SLC25A48: variants seen among roughly 807,000 people sequenced by gnomAD.
The protein encoded by SLC25A48 is solute carrier family 25 member 48, also known as CTC-321K16.1.
SLC25A48 carries 29 observed loss-of-function variants against 32.2 expected under a neutral mutation model. The observed-to-expected ratio is 0.90, with a 90% CI of 0.67 to 1.23. The LOEUF (loss-of-function observed/expected upper bound fraction) is 1.23, where lower values mean the gene tolerates loss of function less well. SLC25A48 is among the 50% of genes most tolerant of loss of function. The probability of loss-of-function intolerance (pLI) is 0.00; values close to 1 mark genes in which losing one functional copy is unlikely to be tolerated. For synonymous variants in SLC25A48, 164 were observed against 172.3 expected, an observed-to-expected ratio of 0.95 and a Z score of 0.38; for missense variants, 399 against 422.7, an observed-to-expected ratio of 0.94 and a Z score of 0.49.
At chr5:135,768,978 A>C (rs942647128) in intron 3 of SLC25A48, among the ~76,000 whole-genome samples, 2 of 151,762 alleles carry the variant, frequency 1.3e-5, no homozygotes, top group African/African-American at 4.8e-5. Context: ...GGAGAGGATG[A>C]TGCTAATTCC....
chr5:135,682,869 T>G (rs1349537251), intron 3 of SLC25A48, among the ~76,000 whole-genome samples: 1 of 152,210 alleles, frequency 6.6e-6, no homozygotes, highest in Non-Finnish European at 1.5e-5. Flanking sequence ...TGTAATTCTA[T>G]CCATGGTCTT....
chr5:135,857,931 G>A (rs1277493967), intron 4 of SLC25A48, among the ~76,000 whole-genome samples: 4 of 152,196 alleles, frequency 2.6e-5, no homozygotes, highest in Middle Eastern at 3.4e-3. Flanking sequence ...TTACCACCTG[G>A]CACCTGTCCT....
At chr5:135,660,516 A>G (rs116642937) in intron 3 of SLC25A48, among the ~76,000 whole-genome samples, 10 of 152,238 alleles carry the variant, frequency 6.6e-5, no homozygotes, top group Non-Finnish European at 1.5e-4. Context: ...CAAGGTCAGC[A>G]TCATAGTGGC....
At chr5:135,696,158 G>T (rs1754262113) in intron 3 of SLC25A48, among the ~76,000 whole-genome samples, 1 of 152,210 alleles carries the variant, frequency 6.6e-6, no homozygotes, top group Non-Finnish European at 1.5e-5. Context: ...CAAATATCTG[G>T]GAATGTCAGG....
chr5:135,766,539 A>T, intron 3 of SLC25A48, among the ~76,000 whole-genome samples: 1 of 150,594 alleles, frequency 6.6e-6, no homozygotes, highest in Non-Finnish European at 1.5e-5. Flanking sequence ...GGGTGTACAC[A>T]CCCCTGTTAT....
At chr5:135,730,399 T>C (rs1755196806) in intron 3 of SLC25A48, among the ~76,000 whole-genome samples, 1 of 152,174 alleles carries the variant, frequency 6.6e-6, no homozygotes. Context: ...AGCTCTCTCA[T>C]TTTTTGCCTG....
chr5:135,824,838 G>A (rs1272449141), intron 4 of SLC25A48: 1 of 152,352 alleles, frequency 6.6e-6, no homozygotes, highest in Non-Finnish European at 1.5e-5. Flanking sequence ...AGGCCATAGA[G>A]GGTGGGGGGA....
chr5:135,625,173 C>A (rs959025782), intron 1 of SLC25A48, among the ~76,000 whole-genome samples: 1 of 152,006 alleles, frequency 6.6e-6, no homozygotes, highest in African/African-American at 2.4e-5. Context: ...GGAAAGGCCT[C>A]CCAGAAGAAG....
At chr5:135,769,719 GGAT>G (rs112709333) in intron 3 of SLC25A48, among the ~76,000 whole-genome samples, 46,398 of 151,142 alleles carry the variant, frequency 0.31, 7,280 homozygotes, top group East Asian at 0.46. Flanking sequence ...GCGTGGGAGA[GGAT>G]GATGTTACTC....
chr5:135,759,855 A>T (rs1756018788), intron 3 of SLC25A48, among the ~76,000 whole-genome samples: 1 of 138,932 alleles, frequency 7.2e-6, no homozygotes, highest in Non-Finnish European at 1.5e-5. Flanking sequence ...TTTGAGACAG[A>T]GTCTCACTCT....
At chr5:135,615,860 T>G (rs1752173802) in intron 1 of SLC25A48, among the ~76,000 whole-genome samples, 3 of 152,346 alleles carry the variant, frequency 2.0e-5, no homozygotes, top group East Asian at 1.9e-4. Flanking sequence ...TGTGGTTTTA[T>G]GGGCCTGCCA....
intron 3 of SLC25A48, among the ~76,000 whole-genome samples, chr5:135,699,051 G>A (rs1754330186): frequency 6.6e-6 from 1 of 152,202 alleles, no homozygotes; most frequent in African/African-American, 2.4e-5. Context: ...AAATGCTGGT[G>A]AGGATATGGA....
chr5:135,722,488 T>A (rs1423505109), intron 3 of SLC25A48, among the ~76,000 whole-genome samples: 1 of 152,208 alleles, frequency 6.6e-6, no homozygotes, highest in Non-Finnish European at 1.5e-5. Context: ...CCTTGCCACG[T>A]GTTTACATTT....
intron 2 of SLC25A48, among the ~76,000 whole-genome samples, chr5:135,848,414 C>T (rs1580980568): frequency 6.6e-6 from 1 of 152,190 alleles, no homozygotes; most frequent in Admixed American, 6.5e-5. Flanking sequence ...TGGTTGTGGA[C>T]ATCCCACTCC....
At chr5:135,684,813 T>C (rs529212676) in intron 3 of SLC25A48, among the ~76,000 whole-genome samples, 1 of 152,352 alleles carries the variant, frequency 6.6e-6, no homozygotes, top group Non-Finnish European at 1.5e-5. Flanking sequence ...ATTGTGTGGG[T>C]ATAGCATATT....
intron 1 of SLC25A48, among the ~76,000 whole-genome samples, chr5:135,619,599 G>C (rs1752272132): frequency 6.6e-6 from 1 of 152,126 alleles, no homozygotes; most frequent in Admixed American, 6.5e-5. Context: ...CAGATATGGT[G>C]ACATGGTGTC....
chr5:135,793,593 T>C (rs1757089698), intron 3 of SLC25A48, among the ~76,000 whole-genome samples: 1 of 151,920 alleles, frequency 6.6e-6, no homozygotes, highest in Non-Finnish European at 1.5e-5. Flanking sequence ...ACCATGTGTG[T>C]ATACTTTTGG....
At chr5:135,788,871 T>C (rs542805653) in intron 3 of SLC25A48, among the ~76,000 whole-genome samples, 16 of 151,238 alleles carry the variant, frequency 1.1e-4, no homozygotes, top group Admixed American at 1.1e-3. Context: ...GATGGTGATA[T>C]TACTCCCCAT....
At chr5:135,630,897 T>C (rs75381780) in intron 2 of SLC25A48, among the ~76,000 whole-genome samples, 8,199 of 152,174 alleles carry the variant, frequency 0.054, 263 homozygotes, top group African/African-American at 0.075. Flanking sequence ...CCACCGTGCC[T>C]GGCCTTAGGC....
Sources: gnomAD v4.1 joint callset for allele counts (sites outside exome capture counted in the v4.1 genomes callset) on GRCh38, gnomAD v4.1.1 for gene constraint, MANE v1.5 for transcripts, NCBI Gene and HGNC (gene_info 2026-07-23, HGNC 2026-07-21) for gene names.